The following D2HGDH variants were observed in gnomAD, a reference collection of about 807,000 sequenced individuals.
The protein encoded by D2HGDH is D-2-hydroxyglutarate dehydrogenase, mitochondrial.
Under a neutral mutation model 46.9 loss-of-function variants are expected in D2HGDH, and 31 were observed. The observed-to-expected ratio is 0.66, with a 90% CI of 0.50 to 0.89. The LOEUF (loss-of-function observed/expected upper bound fraction) is 0.89, where lower values mean the gene tolerates loss of function less well. Among genes scored for constraint, D2HGDH ranks in the 40% least tolerant of loss-of-function variants. D2HGDH has a pLI of 0.00. For synonymous variants in D2HGDH, 364 were observed against 332.6 expected (o/e 1.09, Z -1.03); for missense variants, 698 against 720.8 (o/e 0.97, Z 0.36).
chr2:241,740,881 G>A, intron 2 of D2HGDH, 152 bp from the exon 3 acceptor site: 2 of 683,240 alleles, frequency 2.9e-6, no homozygotes. Context: ...GGAGGGAGAG[G>A]TTGCAGTGAG....
At position 241,757,892 on chromosome 2, in the gene D2HGDH, G is replaced by T. The variant is rs146351450; in HGVS notation, c.1306+1878G>T. 5.3e-3 allele frequency among the ~76,000 whole-genome samples: 798 copies of T among 151,898 alleles called. 7 individuals are homozygous for T. The highest frequency in any genetic ancestry group is 0.018 in the African/African-American group (740 of 41,428). ...GAGAATCACTTGAACCCAGGAGGCG[G>T]AGGTTGCAGTGAGCAGAGGTTGCAC... On this transcript the variant is annotated intron_variant, in intron 9 of 9. Transcript: ENST00000321264.
rs561570791 is a variant in D2HGDH, at chr2:241,739,321, C to T, written c.293-1712C>T. On this transcript the variant is annotated intron_variant, in intron 2 of 9. Coordinates refer to ENST00000321264, the MANE Select transcript of D2HGDH (RefSeq NM_152783.5). ...AGGCGCGTCACAAGTGTGTCCGAGT[C>T]GAAAGCTTTGCCATGAGTCCTGGGG... Among the ~76,000 whole-genome samples, 34 of 152,316 alleles carry T rather than the reference C, an allele frequency of 2.2e-4. No individual in the cohort carries two copies. In the South Asian group the frequency reaches 3.1e-3, roughly 14 times the overall value.
chr2:241,767,975 A>G lies in D2HGDH; in HGVS notation c.*6A>G. 1 of 1,581,976 alleles carries G rather than the reference A, an allele frequency of 6.3e-7. No homozygotes were observed. Among genetic ancestry groups the G allele is most frequent in the East Asian group, 2.3e-5 (1 of 43,684 alleles). Reference sequence around the variant, plus strand: ...CGCTGCCCAGCCAGGCCTGACGGCCACTCCTGCTGCTGCCAAGGCCCACTG... The same window carrying G: ...CGCTGCCCAGCCAGGCCTGACGGCCGCTCCTGCTGCTGCCAAGGCCCACTG... On this transcript the variant is annotated 3_prime_UTR_variant, in exon 10 of 10. Coordinates refer to ENST00000321264, the MANE Select transcript of D2HGDH (RefSeq NM_152783.5).
intron 2 of D2HGDH, among the ~76,000 whole-genome samples, chr2:241,739,852 G>A (rs1181344440): frequency 6.6e-6 from 1 of 152,250 alleles, no homozygotes; most frequent in Non-Finnish European, 1.5e-5. Context: ...TCGTGGCAGA[G>A]TCAGCTAAGA....
intron 8 of D2HGDH, among the ~76,000 whole-genome samples, chr2:241,752,647 C>T (rs1245285202): frequency 6.6e-6 from 1 of 152,018 alleles, no homozygotes; most frequent in African/African-American, 2.4e-5. Flanking sequence ...CGGGGATTCT[C>T]TCAGCTTCTG....
At chr2:241,735,547 C>T in intron 2 of D2HGDH, 31 bp downstream of exon 2, 1 of 1,597,832 alleles carries the variant, frequency 6.3e-7, no homozygotes, top group Non-Finnish European at 8.5e-7. Context: ...TGCGGCGTTT[C>T]CGCGTCCCTG....
chr2:241,759,126 T>C (rs1172710377), intron 9 of D2HGDH, among the ~76,000 whole-genome samples: 2 of 152,222 alleles, frequency 1.3e-5, no homozygotes, highest in African/African-American at 2.4e-5. Context: ...TGGCAGCTTA[T>C]GATCAGCCTT....
rs1393989918 is a variant in D2HGDH at position 241,751,227 on chromosome 2, C to T, written c.998-19C>T. The T allele has an allele frequency of 6.2e-7, 1 of 1,613,900 alleles. No individual in the cohort carries two copies. Among genetic ancestry groups the T allele is most frequent in the Admixed American group, 1.7e-5 (1 of 60,026 alleles). Reference sequence around the variant, plus strand: ...CAGCCGGAGCCTCTGCTCACTCTGCCTTCCTTGCTCACTTCTAGAGAGTCC... The same window carrying T: ...CAGCCGGAGCCTCTGCTCACTCTGCTTTCCTTGCTCACTTCTAGAGAGTCC... On this transcript the variant is annotated intron_variant, in intron 7 of 9. Coordinates refer to ENST00000321264, the MANE Select transcript of D2HGDH (RefSeq NM_152783.5).
At chr2:241,753,588 C>T (rs747878820) in intron 8 of D2HGDH, among the ~76,000 whole-genome samples, 2 of 152,214 alleles carry the variant, frequency 1.3e-5, no homozygotes, top group African/African-American at 4.8e-5. Context: ...CAGGTCCAGC[C>T]GCTGCCGCGG....
chr2:241,744,792 C>G lies in D2HGDH; in HGVS notation c.768C>G (p.Ile256Met). 6.2e-7 allele frequency: 1 copy of G among 1,614,200 alleles called. No homozygotes were observed. The highest frequency in any genetic ancestry group is 8.5e-7 in the Non-Finnish European group (1 of 1,180,028). ...GCTATGACCTGAAGCAGCTGTTCATCGGGTCGGAGGGCACTTTGGGGATCA... is the reference window on the plus strand; with the variant it reads ...GCTATGACCTGAAGCAGCTGTTCATGGGGTCGGAGGGCACTTTGGGGATCA... Reference protein sequence around the residue: ...NTGYDLKQLFIGSEGTLGIIT... With the variant: ...NTGYDLKQLFMGSEGTLGIIT... The change falls in exon 6 of 10, where the codon ATC (isoleucine) becomes ATG (methionine). Residue 256 changes from isoleucine (I) to methionine (M), a missense_variant. Ile to Met is a conservative substitution (Grantham distance 10). Coordinates refer to ENST00000321264, the MANE Select transcript of D2HGDH (RefSeq NM_152783.5).
intron 2 of D2HGDH, among the ~76,000 whole-genome samples, chr2:241,738,123 G>A (rs1227047958): frequency 6.6e-6 from 1 of 152,190 alleles, no homozygotes; most frequent in East Asian, 1.9e-4. Flanking sequence ...AATGGTCACT[G>A]TGTAGGAGCT....
intron 2 of D2HGDH, 102 bp from the exon 3 acceptor site, chr2:241,740,931 G>A (rs1265536825): frequency 2.2e-6 from 2 of 895,598 alleles, no homozygotes; most frequent in Non-Finnish European, 3.6e-6. Flanking sequence ...CAGAGTGAGA[G>A]TCCGTCTCCA....
chr2:241,748,653 A>C (rs951133805), intron 6 of D2HGDH, among the ~76,000 whole-genome samples: 3 of 152,112 alleles, frequency 2.0e-5, no homozygotes, highest in Non-Finnish European at 2.9e-5. Flanking sequence ...CCTCCGGCAC[A>C]AGCCTGGCCT....
At chr2:241,757,096 C>T (rs1005603517) in intron 9 of D2HGDH, among the ~76,000 whole-genome samples, 12 of 152,178 alleles carry the variant, frequency 7.9e-5, no homozygotes, top group Non-Finnish European at 1.8e-4. Flanking sequence ...TACGAAGGTC[C>T]CGTGCTGTCC....
intron 8 of D2HGDH, chr2:241,755,306 C>A (rs1697990825): frequency 7.7e-7 from 1 of 1,302,784 alleles, no homozygotes; most frequent in Admixed American, 2.3e-5. Flanking sequence ...TCCCACCCGA[C>A]ATGCCCCTTG....
At chr2:241,757,066 C>T (rs369655907) in intron 9 of D2HGDH, among the ~76,000 whole-genome samples, 1 of 152,148 alleles carries the variant, frequency 6.6e-6, no homozygotes, top group Admixed American at 6.6e-5. Context: ...GTGTACGTGA[C>T]GACAATAACA....
In D2HGDH at chr2:241,751,417, G is replaced by A. The variant is rs376469009; in HGVS notation, c.1140+29G>A. On this transcript the variant is annotated intron_variant, in intron 8 of 9. Transcript: ENST00000321264. ...CCCTGTGTCCTGCTTGCAGGTCCCC[G>A]CTCTCTGTCCGTCCAGTCCAGCCTT... 65 of 1,611,074 alleles carry A rather than the reference G, an allele frequency of 4.0e-5. 1 individual carries two copies. Among genetic ancestry groups the A allele is most frequent in the East Asian group, 1.3e-4 (6 of 44,866 alleles).
intron 7 of D2HGDH, 45 bp from the exon 8 acceptor site, chr2:241,751,201 G>A (rs745328563): frequency 4.3e-6 from 7 of 1,613,226 alleles, no homozygotes; most frequent in Non-Finnish European, 5.9e-6. Flanking sequence ...TCTTGCCCTG[G>A]CAGCCGGAGC....
Position 241,735,161 on chromosome 2 carries a change from C to T in D2HGDH, c.-64C>T, listed in dbSNP as rs1394945567. ...CGCAGCCAGCGGCTCCCTGCCCTTCCCCTCCGGGCCCTGAGTACCGGCCCC... is the reference window on the plus strand; with the variant it reads ...CGCAGCCAGCGGCTCCCTGCCCTTCTCCTCCGGGCCCTGAGTACCGGCCCC... On this transcript the variant is annotated 5_prime_UTR_variant, in exon 2 of 10. Transcript: ENST00000321264. 1 of 1,423,874 alleles carries T rather than the reference C, an allele frequency of 7.0e-7. No individual in the cohort carries two copies. Among genetic ancestry groups the T allele is most frequent in the Non-Finnish European group, 9.1e-7 (1 of 1,098,034 alleles). 88.2% of individuals were successfully genotyped at this position (1,423,874 alleles called of 1,614,324 possible).
Sources: gnomAD v4.1 joint callset for allele counts (sites outside exome capture counted in the v4.1 genomes callset) on GRCh38, gnomAD v4.1.1 for gene constraint, MANE v1.5 for transcripts, NCBI Gene and HGNC (gene_info 2026-07-23, HGNC 2026-07-21) for gene names.